The following TRIT1 variants were observed in gnomAD, a reference collection of about 807,000 sequenced individuals.
The protein encoded by TRIT1 is tRNA dimethylallyltransferase.
In TRIT1, 43 loss-of-function variants were observed where a neutral mutation model predicts 51.2. That is an observed-to-expected ratio of 0.84 (90% CI 0.66 to 1.08). The LOEUF is 1.08. TRIT1 is among the 50% of genes least tolerant of loss of function. The pLI, the probability that TRIT1 is intolerant of heterozygous loss-of-function variation, is 0.00. For missense variants in TRIT1, 528 were observed against 578.4 expected (o/e 0.91, Z 0.89); for synonymous variants, 184 against 203.9 (o/e 0.90, Z 0.83).
At position 39,840,844 on chromosome 1, in the gene TRIT1, T is replaced by C. The variant is rs576166994; in HGVS notation, c.*900A>G. ...GGTCACTCCAGAAAGAGGGCTTCAA[T>C]TGGAAGTAATAGATCTCCAATAAAA... On this transcript the variant is annotated 3_prime_UTR_variant, in exon 11 of 11. Transcript: ENST00000316891. Among the ~76,000 whole-genome samples the C allele has an allele frequency of 2.0e-5, 3 of 152,300 alleles. No homozygotes were observed. Among genetic ancestry groups the C allele is most frequent in the South Asian group, 4.1e-4 (2 of 4,826 alleles).
At chr1:39,881,370 C>T (rs1006325340) in intron 1 of TRIT1, among the ~76,000 whole-genome samples, 3 of 152,108 alleles carry the variant, frequency 2.0e-5, no homozygotes, top group South Asian at 2.1e-4. Context: ...TACTATTATA[C>T]CATTCTTGGA....
At chr1:39,849,655 A>C (rs1421050578) in intron 5 of TRIT1, among the ~76,000 whole-genome samples, 1 of 152,244 alleles carries the variant, frequency 6.6e-6, no homozygotes, top group Non-Finnish European at 1.5e-5. Flanking sequence ...CCAGCACTTC[A>C]TTGAATGCTT....
chr1:39,860,285 AGATTAAAAG>A (rs1360323213), intron 1 of TRIT1, among the ~76,000 whole-genome samples: 8 of 152,234 alleles, frequency 5.3e-5, no homozygotes, highest in African/African-American at 1.9e-4. Flanking sequence ...TTACACATTC[AGATTAAAAG>A]AAATGGGTCA....
intron 1 of TRIT1, among the ~76,000 whole-genome samples, chr1:39,860,515 A>G (rs1046584447): frequency 1.2e-4 from 18 of 152,238 alleles, no homozygotes; most frequent in African/African-American, 3.9e-4. Context: ...TTACAAAATC[A>G]GAAAAAACTA....
At chr1:39,869,976 C>T (rs1557575222) in intron 1 of TRIT1, among the ~76,000 whole-genome samples, 1 of 151,844 alleles carries the variant, frequency 6.6e-6, no homozygotes, top group Admixed American at 6.6e-5. Context: ...AGGTGGGGGG[C>T]CCCTCTCTCC....
chr1:39,847,316 T>A lies in TRIT1; in HGVS notation c.929-19A>T. 6.2e-7 allele frequency: 1 copy of A among 1,611,480 alleles called. No individual in the cohort carries two copies. The highest frequency in any genetic ancestry group is 8.5e-7 in the Non-Finnish European group (1 of 1,177,662). ...TCAATACCTGAAAGATACAGTAGAT[T>A]TAAGAACATCTAGGTAAGCACTCCT... On this transcript the variant is annotated intron_variant, in intron 7 of 10. Coordinates refer to ENST00000316891, the MANE Select transcript of TRIT1 (RefSeq NM_017646.6).
chr1:39,848,965 TAA>T (rs1365570019), intron 5 of TRIT1, among the ~76,000 whole-genome samples: 2 of 152,070 alleles, frequency 1.3e-5, no homozygotes, highest in African/African-American at 4.8e-5. Flanking sequence ...GCCTGTAGAG[TAA>T]AAGTTTTTGT....
At chr1:39,861,209 A>G (rs749603135) in intron 1 of TRIT1, among the ~76,000 whole-genome samples, 8 of 152,218 alleles carry the variant, frequency 5.3e-5, no homozygotes, top group Non-Finnish European at 1.0e-4. Flanking sequence ...GGCATGTAAG[A>G]TGATGCAGCT....
intron 1 of TRIT1, among the ~76,000 whole-genome samples, chr1:39,871,873 G>A (rs993720688): frequency 5.9e-5 from 9 of 152,064 alleles, no homozygotes; most frequent in Non-Finnish European, 1.3e-4. Flanking sequence ...ACATCATAAA[G>A]AGTACACTTT....
Position 39,850,229 on chromosome 1 carries a change from G to A in TRIT1, c.593C>T (p.Ser198Phe). 1 of 1,614,182 alleles carries A rather than the reference G, an allele frequency of 6.2e-7. No homozygotes were observed. Among genetic ancestry groups the A allele is most frequent in the South Asian group, 1.1e-5 (1 of 91,076 alleles). ...SLQVFEETGI[S>F]HSEFLHRQHT... ...TTGACGATGGAGAAATTCACTATGA[G>A]AGATTCCTGTTTCTTCAAAAACTTG... is the stretch of plus-strand genomic sequence containing the variant. Residue 198 changes from serine (S) to phenylalanine (F), a missense_variant, in exon 5 of 11, where the codon TCT (serine) becomes TTT (phenylalanine). This residue lies in a region of TRIT1 where 468 missense variants were observed against 522.6 expected (regional missense o/e 0.90). Coordinates refer to ENST00000316891, the MANE Select transcript of TRIT1 (RefSeq NM_017646.6).
rs151124321 is a variant in TRIT1 at position 39,862,740 on chromosome 1, T to C, written c.175-5323A>G. 5 of 982,962 alleles carry C rather than the reference T, an allele frequency of 5.1e-6. No homozygotes were observed. In the East Asian group the frequency reaches 5.7e-4, roughly 112 times the overall value. The allele number at this position is 982,962 out of a possible 1,614,324, so 60.9% of individuals were successfully genotyped here. On this transcript the variant is annotated intron_variant, in intron 1 of 10. Transcript: ENST00000316891. ...CAGGCTTATTATTTTATTACCAGCC[T>C]AGAAAACATTCACATGTGAGATTTG...
At chr1:39,871,987 T>C (rs993390378) in intron 1 of TRIT1, among the ~76,000 whole-genome samples, 1 of 152,028 alleles carries the variant, frequency 6.6e-6, no homozygotes, top group Admixed American at 6.6e-5. Context: ...CACTGCAGCC[T>C]TGACCTCCCT....
intron 1 of TRIT1, among the ~76,000 whole-genome samples, chr1:39,872,180 G>T (rs1341940624): frequency 6.7e-6 from 1 of 148,426 alleles, no homozygotes; most frequent in African/African-American, 2.5e-5. Context: ...CAAAGTGCTT[G>T]GATTAGAGGT....
At chr1:39,877,681 G>A (rs1570140029) in intron 1 of TRIT1, among the ~76,000 whole-genome samples, 1 of 152,206 alleles carries the variant, frequency 6.6e-6, no homozygotes, top group East Asian at 1.9e-4. Flanking sequence ...CTGAAGGCCC[G>A]GCACTGTACC....
At chr1:39,843,964 A>C (rs1258918780) in intron 10 of TRIT1, 137 bp downstream of exon 10, 8 of 539,994 alleles carry the variant, frequency 1.5e-5, no homozygotes, top group Non-Finnish European at 2.6e-5. Context: ...GAATTTGAGC[A>C]CAGGCTCTTA....
intron 1 of TRIT1, among the ~76,000 whole-genome samples, chr1:39,859,149 A>T (rs1350929430): frequency 6.6e-6 from 1 of 151,364 alleles, no homozygotes; most frequent in Admixed American, 6.6e-5. Context: ...AGCTATACTC[A>T]GGAGGCTGAG....
At chr1:39,866,470 A>G (rs1643562248) in intron 1 of TRIT1, among the ~76,000 whole-genome samples, 1 of 152,220 alleles carries the variant, frequency 6.6e-6, no homozygotes, top group South Asian at 2.1e-4. Context: ...GACAAATTCA[A>G]CTGAAGAGAT....
intron 1 of TRIT1, among the ~76,000 whole-genome samples, chr1:39,861,467 A>T (rs1451516588): frequency 6.6e-6 from 1 of 152,242 alleles, no homozygotes; most frequent in African/African-American, 2.4e-5. Flanking sequence ...TACATACCCA[A>T]AAGAATTGAA....
intron 1 of TRIT1, among the ~76,000 whole-genome samples, chr1:39,861,721 C>G (rs184553087): frequency 2.6e-5 from 4 of 152,004 alleles, no homozygotes; most frequent in African/African-American, 7.3e-5. Context: ...GTCAGGAGTT[C>G]GAGACCAGCC....
Sources: gnomAD v4.1 joint callset for allele counts (sites outside exome capture counted in the v4.1 genomes callset) on GRCh38, gnomAD v4.1.1 for gene constraint, gnomAD v4.1.1 regional missense constraint, MANE v1.5 for transcripts, NCBI Gene and HGNC (gene_info 2026-07-23, HGNC 2026-07-21) for gene names.